The following CSGALNACT1 variants were observed in gnomAD, a reference collection of about 807,000 sequenced individuals.
The protein encoded by CSGALNACT1 is chondroitin sulfate N-acetylgalactosaminyltransferase 1, also known as beta4GalNAcT-1.
Under a neutral mutation model 51.0 loss-of-function variants are expected in CSGALNACT1, and 52 were observed. That is an observed-to-expected ratio of 1.02 (90% CI 0.82 to 1.29). The LOEUF (loss-of-function observed/expected upper bound fraction) is 1.29, where lower values mean the gene tolerates loss of function less well. CSGALNACT1 is among the 50% of genes most tolerant of loss of function. CSGALNACT1 has a pLI of 0.00. For missense variants in CSGALNACT1, 935 were observed against 679.2 expected (o/e 1.38, Z -4.19); for synonymous variants, 341 against 254.4 (o/e 1.34, Z -3.24).
chr8:19,541,088 AT>A (rs5889873), intron 3 of CSGALNACT1, among the ~76,000 whole-genome samples: 22,408 of 147,966 alleles, frequency 0.15, 1,692 homozygotes, highest in Non-Finnish European at 0.17. Context: ...CTGGGTGATA[AT>A]TTTTTTTTTT....
At chr8:19,476,926 G>A (rs1419361607) in intron 4 of CSGALNACT1, among the ~76,000 whole-genome samples, 1 of 152,114 alleles carries the variant, frequency 6.6e-6, no homozygotes, top group African/African-American at 2.4e-5. Context: ...ATGAGGTCCC[G>A]AGCCTGCTGG....
At chr8:19,615,005 T>A (rs1190516451) in intron 1 of CSGALNACT1, among the ~76,000 whole-genome samples, 8 of 152,288 alleles carry the variant, frequency 5.3e-5, no homozygotes, top group Admixed American at 3.3e-4. Context: ...GGTGAAGAAA[T>A]GCTCAACAAA....
intron 1 of CSGALNACT1, among the ~76,000 whole-genome samples, chr8:19,679,265 C>A (rs941398675): frequency 6.6e-6 from 1 of 151,958 alleles, no homozygotes; most frequent in Non-Finnish European, 1.5e-5. Flanking sequence ...CCAGCCTGGG[C>A]AACATGATAA....
chr8:19,500,997 C>A (rs2076319920), intron 4 of CSGALNACT1, among the ~76,000 whole-genome samples: 2 of 152,106 alleles, frequency 1.3e-5, no homozygotes, highest in Non-Finnish European at 2.9e-5. Flanking sequence ...CGCCTGTAAT[C>A]CCAGCACTTT....
intron 1 of CSGALNACT1, among the ~76,000 whole-genome samples, chr8:19,716,581 C>T (rs752145277): frequency 2.5e-4 from 33 of 130,584 alleles, no homozygotes; most frequent in Admixed American, 8.4e-4. Context: ...AGTTCAAGGC[C>T]AGCCTGGCCA....
chr8:19,482,687 C>G (rs2071758286), intron 4 of CSGALNACT1, among the ~76,000 whole-genome samples: 1 of 152,084 alleles, frequency 6.6e-6, no homozygotes, highest in Non-Finnish European at 1.5e-5. Context: ...GTGGGTGGTC[C>G]TCAAAGTTCC....
At chr8:19,566,772 T>C (rs1438206794) in intron 3 of CSGALNACT1, among the ~76,000 whole-genome samples, 1 of 152,144 alleles carries the variant, frequency 6.6e-6, no homozygotes, top group East Asian at 1.9e-4. Flanking sequence ...CCTTCAGGGT[T>C]AAAGGGATAA....
chr8:19,471,010 C>T (rs974787480), intron 4 of CSGALNACT1, among the ~76,000 whole-genome samples: 5 of 152,036 alleles, frequency 3.3e-5, no homozygotes, highest in African/African-American at 1.2e-4. Flanking sequence ...GCACGAGAGT[C>T]GCTTGAACCT....
intron 4 of CSGALNACT1, among the ~76,000 whole-genome samples, chr8:19,475,861 G>A (rs953391943): frequency 6.6e-6 from 1 of 152,212 alleles, no homozygotes; most frequent in African/African-American, 2.4e-5. Flanking sequence ...GAGAAAGAGA[G>A]AACTGAATTT....
In CSGALNACT1 at chr8:19,658,690, C is replaced by T. The variant is rs147003247; in HGVS notation, c.-544+23783G>A. 4.0e-3 allele frequency among the ~76,000 whole-genome samples: 615 copies of T among 152,136 alleles called. 8 individuals carry two copies. The highest frequency in any genetic ancestry group is 0.014 in the African/African-American group (585 of 41,480). On this transcript the variant is annotated intron_variant, in intron 1 of 9. Coordinates refer to the CSGALNACT1 transcript ENST00000332246. ...CAGAGGTTACAGTGAGCTGAGATCGCGACACTGCACTCCAGCCTGGGTGAC... is the reference window on the plus strand; with the variant it reads ...CAGAGGTTACAGTGAGCTGAGATCGTGACACTGCACTCCAGCCTGGGTGAC...
intron 1 of CSGALNACT1, among the ~76,000 whole-genome samples, chr8:19,746,982 T>G (rs1055697924): frequency 6.6e-6 from 1 of 152,194 alleles, no homozygotes; most frequent in Non-Finnish European, 1.5e-5. Flanking sequence ...AAAGAGCCAA[T>G]GCCTCCCACA....
At chr8:19,544,680 C>A (rs185877153) in intron 3 of CSGALNACT1, among the ~76,000 whole-genome samples, 2 of 152,226 alleles carry the variant, frequency 1.3e-5, no homozygotes, top group Admixed American at 6.5e-5. Context: ...GGCCCCATAC[C>A]TATGCTGAGC....
intron 1 of CSGALNACT1, among the ~76,000 whole-genome samples, chr8:19,653,773 G>T (rs1289207984): frequency 6.7e-6 from 1 of 150,228 alleles, no homozygotes; most frequent in Non-Finnish European, 1.5e-5. Flanking sequence ...ACTCCAGCAT[G>T]GGTGAATGAA....
chr8:19,636,088 G>A (rs113388947), intron 1 of CSGALNACT1, among the ~76,000 whole-genome samples: 2,376 of 152,250 alleles, frequency 0.016, 28 homozygotes, highest in Non-Finnish European at 0.025. Context: ...TTAACTATAT[G>A]CCGTAGTCCC....
chr8:19,738,507 T>C (rs1216083883), intron 1 of CSGALNACT1, among the ~76,000 whole-genome samples: 1 of 152,114 alleles, frequency 6.6e-6, no homozygotes, highest in Admixed American at 6.5e-5. Context: ...GTTAAATAGG[T>C]ATGAGTTTCA....
chr8:19,667,007 G>GAAAAGAAAGAAAGAAAGAAAGA (rs1312237922), intron 1 of CSGALNACT1, among the ~76,000 whole-genome samples: 7 of 31,712 alleles, frequency 2.2e-4, no homozygotes, highest in African/African-American at 6.3e-4. Flanking sequence ...AAGAAAGAAA[G>GAAAAGAAAGAAAGAAAGAAAGA]AAAGAAAGAA....
intron 5 of CSGALNACT1, among the ~76,000 whole-genome samples, chr8:19,447,663 C>G (rs2062372519): frequency 6.6e-6 from 1 of 152,156 alleles, no homozygotes; most frequent in African/African-American, 2.4e-5. Context: ...TGTCCCAGAG[C>G]AGGGGGAGGT....
At chr8:19,518,893 C>A (rs1366694591) in intron 3 of CSGALNACT1, among the ~76,000 whole-genome samples, 1 of 152,180 alleles carries the variant, frequency 6.6e-6, no homozygotes, top group Non-Finnish European at 1.5e-5. Context: ...ATTAGCGAAA[C>A]AGGCTCAACT....
intron 4 of CSGALNACT1, among the ~76,000 whole-genome samples, chr8:19,467,876 G>C (rs7836603): frequency 0.17 from 25,759 of 152,102 alleles, 2,442 homozygotes; most frequent in African/African-American, 0.24. Flanking sequence ...GTCCCAGATA[G>C]TCAGGAGGCT....
Sources: allele counts gnomAD v4.1 joint callset (sites outside exome capture counted in the v4.1 genomes callset), GRCh38; gene constraint gnomAD v4.1.1; transcripts MANE v1.5; gene names NCBI Gene and HGNC (gene_info 2026-07-23, HGNC 2026-07-21).